ZCCHC14: variants seen among roughly 807,000 people sequenced by gnomAD.
ZCCHC14 encodes the protein zinc finger CCHC domain-containing protein 14.
In ZCCHC14, 16 loss-of-function variants were observed where a neutral mutation model predicts 85.0. That is an observed-to-expected ratio of 0.19 (90% CI 0.13 to 0.29). The LOEUF (loss-of-function observed/expected upper bound fraction) is 0.29. Ranked by LOEUF, ZCCHC14 falls within the 10% of genes least tolerant of loss-of-function variation. The pLI, the probability that ZCCHC14 is intolerant of heterozygous loss-of-function variation, is 1.00. For missense variants in ZCCHC14, 1,303 were observed against 1,443.5 expected (o/e 0.90, Z 1.58); for synonymous variants, 775 against 630.7 (o/e 1.23, Z -3.43).
In ZCCHC14 at chr16:87,445,125, G is replaced by A. The variant is rs572466963; in HGVS notation, c.695-11924C>T. On this transcript the variant is annotated intron_variant, in intron 2 of 12. Transcript: ENST00000671377. ...CTGTGTCACCAGGCTGGAGTGCAGC[G>A]GTGTGATATCAGCTCACTGCAACCT... Among the ~76,000 whole-genome samples, 8 of 151,432 alleles carry A rather than the reference G, an allele frequency of 5.3e-5. No homozygotes were observed. In the East Asian group the frequency reaches 5.8e-4, roughly 11 times the overall value.
chr16:87,406,257 A>G lies in ZCCHC14; in HGVS notation c.*4023T>C, dbSNP rs990332353. 6.6e-6 allele frequency: 1 copy of G among 152,496 alleles called. No homozygotes were observed. The highest frequency in any genetic ancestry group is 2.1e-4 in the South Asian group (1 of 4,832). 9.4% of individuals were successfully genotyped at this position (152,496 alleles called of 1,614,324 possible). Reference sequence around the variant, plus strand: ...CTAGTGAAATAAAACAGCCTTTTTTAAAATTTTTATTTTCAGTACATTAAA... The same window carrying G: ...CTAGTGAAATAAAACAGCCTTTTTTGAAATTTTTATTTTCAGTACATTAAA... On this transcript the variant is annotated 3_prime_UTR_variant, in exon 13 of 13. Coordinates refer to ENST00000671377, the MANE Select transcript of ZCCHC14 (RefSeq NM_015144.3).
At chr16:87,435,764 A>C (rs1467149046) in intron 2 of ZCCHC14, among the ~76,000 whole-genome samples, 3 of 152,358 alleles carry the variant, frequency 2.0e-5, no homozygotes, top group Non-Finnish European at 4.4e-5. Flanking sequence ...TTTAAGCTTA[A>C]AATAGCACCT....
chr16:87,485,219 G>A (rs1912461174), intron 1 of ZCCHC14, among the ~76,000 whole-genome samples: 1 of 152,190 alleles, frequency 6.6e-6, no homozygotes, highest in Non-Finnish European at 1.5e-5. Context: ...ATGACACACG[G>A]CTGCTAGAAG....
At position 87,410,367 on chromosome 16, in the gene ZCCHC14, G is replaced by T. The variant is rs755074378; in HGVS notation, c.3206-32C>A. ...AGAGGGGAAAAAAGAGGTCAAATTT[G>T]AATGACTGTAGAATCACCACCAACC... is the stretch of plus-strand genomic sequence containing the variant. On this transcript the variant is annotated intron_variant, in intron 12 of 12. Coordinates refer to ENST00000671377, the MANE Select transcript of ZCCHC14 (RefSeq NM_015144.3). The T allele has an allele frequency of 5.2e-6, 4 of 767,588 alleles. No homozygotes were observed. In the East Asian group the frequency reaches 9.9e-5, roughly 19 times the overall value. 47.5% of individuals were successfully genotyped at this position (767,588 alleles called of 1,614,324 possible). A position where few individuals can be genotyped will look rare whatever the true frequency, so the allele number is the denominator to read the frequency against.
chr16:87,457,923 G>A, intron 2 of ZCCHC14, among the ~76,000 whole-genome samples: 1 of 152,128 alleles, frequency 6.6e-6, no homozygotes, highest in Admixed American at 6.5e-5. Context: ...TCTGCTCGCT[G>A]CGGTATTTTA....
chr16:87,427,329 G>A (rs919870731), intron 3 of ZCCHC14, among the ~76,000 whole-genome samples: 2 of 152,254 alleles, frequency 1.3e-5, no homozygotes, highest in Non-Finnish European at 2.9e-5. Context: ...GAGACTCAGG[G>A]AAGCCTCACT....
intron 2 of ZCCHC14, among the ~76,000 whole-genome samples, chr16:87,444,361 G>A (rs1473478719): frequency 6.6e-6 from 1 of 152,146 alleles, no homozygotes; most frequent in Non-Finnish European, 1.5e-5. Context: ...GCCAAATCTG[G>A]TACAGCTTCA....
chr16:87,489,355 AG>A (rs1342078326), intron 1 of ZCCHC14, among the ~76,000 whole-genome samples: 1 of 152,248 alleles, frequency 6.6e-6, no homozygotes, highest in African/African-American at 2.4e-5. Context: ...GTCAGCTCCA[AG>A]TAACTACTCA....
intron 2 of ZCCHC14, among the ~76,000 whole-genome samples, chr16:87,447,234 G>T (rs1567527130): frequency 6.6e-6 from 1 of 151,742 alleles, no homozygotes; most frequent in Non-Finnish European, 1.5e-5. Flanking sequence ...GGGCCAGGGG[G>T]AACTAAGCAG....
intron 2 of ZCCHC14, among the ~76,000 whole-genome samples, chr16:87,448,471 G>A (rs542506416): frequency 6.6e-5 from 10 of 152,282 alleles, no homozygotes; most frequent in East Asian, 1.9e-4. Flanking sequence ...TCACGAGGCC[G>A]TTTTCTTCCC....
intron 1 of ZCCHC14, among the ~76,000 whole-genome samples, chr16:87,483,903 G>A (rs1912399624): frequency 6.6e-6 from 1 of 152,236 alleles, no homozygotes; most frequent in Non-Finnish European, 1.5e-5. Context: ...ATATGTAAAT[G>A]ACAGTGCACT....
chr16:87,413,129 G>A lies in ZCCHC14; in HGVS notation c.1670C>T (p.Ser557Phe), dbSNP rs1248329922. ...CCCCATGGGGCTGGAGGAGGAGCTGGAGTACTCCGAGGAACTGCCTTCCCG... is the reference window on the plus strand; with the variant it reads ...CCCCATGGGGCTGGAGGAGGAGCTGAAGTACTCCGAGGAACTGCCTTCCCG... ...LPREGSSSEY[S>F]SSSSSPMGVQ... Residue 557 changes from serine (S) to phenylalanine (F), a missense_variant, in exon 11 of 13, where the codon TCC (serine) becomes TTC (phenylalanine). By Grantham distance (155) the Ser-to-Phe change is radical (BLOSUM62 -2). Coordinates refer to ENST00000671377, the MANE Select transcript of ZCCHC14 (RefSeq NM_015144.3). The A allele has an allele frequency of 2.5e-6, 4 of 1,612,340 alleles. No individual in the cohort carries two copies. The highest frequency in any genetic ancestry group is 3.4e-6 in the Non-Finnish European group (4 of 1,179,338).
At chr16:87,485,420 C>T (rs2150778670) in intron 1 of ZCCHC14, among the ~76,000 whole-genome samples, 1 of 152,212 alleles carries the variant, frequency 6.6e-6, no homozygotes, top group Admixed American at 6.5e-5. Flanking sequence ...AAAACATCTA[C>T]AGAGACTGGA....
chr16:87,458,701 G>A (rs1911099893), intron 2 of ZCCHC14, among the ~76,000 whole-genome samples: 1 of 152,224 alleles, frequency 6.6e-6, no homozygotes, highest in Non-Finnish European at 1.5e-5. Flanking sequence ...CAGGGACGGG[G>A]ACGGTGCGGG....
intron 3 of ZCCHC14, 55 bp downstream of exon 3, chr16:87,433,073 A>T (rs1909742476): frequency 6.5e-7 from 1 of 1,546,242 alleles, no homozygotes; most frequent in African/African-American, 1.4e-5. Flanking sequence ...TCTCCAGGGT[A>T]AGTGTTTTCT....
intron 2 of ZCCHC14, among the ~76,000 whole-genome samples, chr16:87,440,265 A>T (rs1444214959): frequency 6.6e-6 from 1 of 151,880 alleles, no homozygotes; most frequent in African/African-American, 2.4e-5. Context: ...CCTGAGTTCA[A>T]GCGATTCTTG....
Position 87,492,403 on chromosome 16 carries a change from G to GGGGGCGGGGACCGGGGCC in ZCCHC14, c.-183_-166dup, listed in dbSNP as rs1912810890. Among the ~76,000 whole-genome samples the GGGGGCGGGGACCGGGGCC allele has an allele frequency of 6.9e-6, 1 of 144,818 alleles. No individual in the cohort carries two copies. The highest frequency in any genetic ancestry group is 2.5e-5 in the African/African-American group (1 of 40,520). On this transcript the variant is annotated 5_prime_UTR_variant, in exon 1 of 13. Transcript: ENST00000671377. The surrounding 1 kb of genome is among the most constrained non-coding windows in gnomAD (Gnocchi z 6.7). ...CCGCGGGCCGGGCGGGCGCCGGGGCGGGGGCGGGGACCGGGGCCGGGCAAG... is the reference window on the plus strand; with the variant it reads ...CCGCGGGCCGGGCGGGCGCCGGGGCGGGGGCGGGGACCGGGGCCGGGGCGGGGACCGGGGCCGGGCAAG...
chr16:87,428,104 C>T (rs1909468170), intron 3 of ZCCHC14, among the ~76,000 whole-genome samples: 1 of 152,098 alleles, frequency 6.6e-6, no homozygotes, highest in African/African-American at 2.4e-5. Flanking sequence ...ATTTCCTCAG[C>T]AACGAGGAAC....
rs548613071 is a variant in ZCCHC14 at position 87,416,719 on chromosome 16, G to A, written c.1383+741C>T. On this transcript the variant is annotated intron_variant, in intron 8 of 12. Transcript: ENST00000671377. The stretch of plus-strand genomic sequence containing the variant: ...TGCAGGGAGCCGAGACCATACCATT[G>A]CACTCCAGCCCAGGTGGCAGTGCAA... Among the ~76,000 whole-genome samples, 4 of 152,218 alleles carry A rather than the reference G, an allele frequency of 2.6e-5. No homozygotes were observed. The East Asian group carries it at 7.7e-4, about 29-fold the overall frequency.
Sources: gnomAD v4.1 joint callset for allele counts (sites outside exome capture counted in the v4.1 genomes callset) on GRCh38, gnomAD v4.1.1 for gene constraint, Gnocchi (gnomAD v3.1) non-coding constraint, MANE v1.5 for transcripts, NCBI Gene and HGNC (gene_info 2026-07-23, HGNC 2026-07-21) for gene names.